Variants in P2RY12 observed in about 807,000 individuals in gnomAD.
P2RY12 encodes the protein purinergic receptor P2Y12.
P2RY12 carries 3 observed loss-of-function variants against 4.5 expected under a neutral mutation model. The observed-to-expected ratio is 0.67, with a 90% CI of 0.31 to 1.74. P2RY12 has a LOEUF of 1.74. P2RY12 is among the 40% of genes most tolerant of loss of function. The pLI is 0.09. For synonymous variants in P2RY12, 148 were observed against 154.1 expected, an observed-to-expected ratio of 0.96 and a Z score of 0.29; for missense variants, 356 against 407.8, an observed-to-expected ratio of 0.87 and a Z score of 1.09.
intron 1 of P2RY12, among the ~76,000 whole-genome samples, chr3:151,360,772 A>G (rs1435475872): frequency 6.6e-6 from 1 of 152,124 alleles, no homozygotes; most frequent in African/African-American, 2.4e-5. Flanking sequence ...ATTAAAATAG[A>G]CAGGGACAAT....
At position 151,341,823 on chromosome 3, in the gene P2RY12, T is replaced by C. The variant is rs574691864; in HGVS notation, c.-179-1063A>G. On this transcript the variant is annotated intron_variant, in intron 1 of 2. Coordinates refer to ENST00000302632, the MANE Select transcript of P2RY12 (RefSeq NM_022788.5). ...GTTCCCACCTATGAGTGAGAATATG[T>C]GGTGTTTGGTTTTTTGTTCTTGCGA... Among the ~76,000 whole-genome samples the C allele has an allele frequency of 1.8e-3, 276 of 151,104 alleles. 1 individual carries two copies. Among genetic ancestry groups the C allele is most frequent in the Non-Finnish European group, 3.1e-3 (207 of 67,848 alleles).
intron 1 of P2RY12, among the ~76,000 whole-genome samples, chr3:151,358,303 G>T (rs1480803584): frequency 6.6e-6 from 1 of 152,056 alleles, no homozygotes; most frequent in African/African-American, 2.4e-5. Flanking sequence ...AGGAAATAGA[G>T]AATTATTTAA....
At chr3:151,344,893 A>G (rs1752344256) in intron 1 of P2RY12, among the ~76,000 whole-genome samples, 1 of 152,216 alleles carries the variant, frequency 6.6e-6, no homozygotes, top group South Asian at 2.1e-4. Flanking sequence ...TACCATCATT[A>G]TGACATCTTT....
chr3:151,362,403 A>G (rs572184818), intron 1 of P2RY12, among the ~76,000 whole-genome samples: 2 of 152,034 alleles, frequency 1.3e-5, no homozygotes, highest in African/African-American at 2.4e-5. Context: ...TACTGATCAA[A>G]CACTCTAAGA....
In P2RY12 at chr3:151,355,933, C is replaced by T. The variant is rs761166199; in HGVS notation, c.-179-15173G>A. On this transcript the variant is annotated intron_variant, in intron 1 of 2. Coordinates refer to ENST00000302632, the MANE Select transcript of P2RY12 (RefSeq NM_022788.5). ...GTGCTAGAACAAATCACAAGCTTTG[C>T]GTCAGGAACATCCTATCATCTCCCT... 5.0e-6 allele frequency: 8 copies of T among 1,613,928 alleles called. No homozygotes were observed. The highest frequency in any genetic ancestry group is 1.7e-5 in the Admixed American group (1 of 59,940).
At chr3:151,341,499 T>A (rs1347274059) in intron 1 of P2RY12, among the ~76,000 whole-genome samples, 1 of 152,086 alleles carries the variant, frequency 6.6e-6, no homozygotes, top group Admixed American at 6.6e-5. Flanking sequence ...TTGTTTAACT[T>A]TGAAACCAGA....
At chr3:151,341,468 T>G (rs1751811092) in intron 1 of P2RY12, among the ~76,000 whole-genome samples, 2 of 152,110 alleles carry the variant, frequency 1.3e-5, no homozygotes, top group African/African-American at 4.8e-5. Flanking sequence ...TAAGGCATCC[T>G]TGTATCACAA....
At chr3:151,351,074 TAA>T (rs1308408423) in intron 1 of P2RY12, among the ~76,000 whole-genome samples, 1 of 152,228 alleles carries the variant, frequency 6.6e-6, no homozygotes, top group Non-Finnish European at 1.5e-5. Context: ...GCACGTGGTA[TAA>T]ACCACCTCTA....
At chr3:151,355,867 T>G (rs1753856408) in intron 1 of P2RY12, 2 of 1,572,092 alleles carry the variant, frequency 1.3e-6, no homozygotes, top group Non-Finnish European at 1.7e-6. Flanking sequence ...AATATTGGTC[T>G]TACAATATTT....
intron 1 of P2RY12, among the ~76,000 whole-genome samples, chr3:151,353,855 G>T (rs1175819146): frequency 6.6e-6 from 1 of 152,164 alleles, no homozygotes; most frequent in African/African-American, 2.4e-5. Flanking sequence ...TAGAATCACA[G>T]TGCTGGCCGG....
Position 151,381,177 on chromosome 3 carries a change from A to T in P2RY12, c.-180+3515T>A, listed in dbSNP as rs139436722. On this transcript the variant is annotated intron_variant, in intron 1 of 2. Coordinates refer to ENST00000302632, the MANE Select transcript of P2RY12 (RefSeq NM_022788.5). ...GTGTTTTATCCTGATACACAGCCTAATTGACCCCTTCTTGTGGCACTGTGT... is the reference window on the plus strand; with the variant it reads ...GTGTTTTATCCTGATACACAGCCTATTTGACCCCTTCTTGTGGCACTGTGT... 5.1e-3 allele frequency among the ~76,000 whole-genome samples: 779 copies of T among 152,296 alleles called. 11 individuals carry two copies. Among genetic ancestry groups the T allele is most frequent in the African/African-American group, 0.018 (739 of 41,562 alleles).
At position 151,357,285 on chromosome 3, in the gene P2RY12, A is replaced by G. The variant is rs774039440; in HGVS notation, c.-179-16525T>C. On this transcript the variant is annotated intron_variant, in intron 1 of 2. Coordinates refer to ENST00000302632, the MANE Select transcript of P2RY12 (RefSeq NM_022788.5). ...CTCCAGCCTGGCAGGAAGTTATACAACAGGACTGTGTGTCTGCATCGTGGC... is the reference window on the plus strand; with the variant it reads ...CTCCAGCCTGGCAGGAAGTTATACAGCAGGACTGTGTGTCTGCATCGTGGC... 30 of 1,613,706 alleles carry G rather than the reference A, an allele frequency of 1.9e-5. 1 individual carries two copies. In the South Asian group the frequency reaches 2.9e-4, roughly 15 times the overall value.
In P2RY12 at chr3:151,351,608, T is replaced by C. The variant is rs555700540; in HGVS notation, c.-179-10848A>G. On this transcript the variant is annotated intron_variant, in intron 1 of 2. Coordinates refer to ENST00000302632, the MANE Select transcript of P2RY12 (RefSeq NM_022788.5). ...AGAGGAAACAGTTGCATTTAGAAGA[T>C]TGAATTTAGAAGCCCTGAAACTAGC... is the stretch of plus-strand genomic sequence containing the variant. Among the ~76,000 whole-genome samples the C allele has an allele frequency of 5.9e-5, 9 of 152,316 alleles. No individual in the cohort carries two copies. The South Asian group carries it at 1.4e-3, about 25-fold the overall frequency.
At chr3:151,359,096 C>A (rs557855599) in intron 1 of P2RY12, among the ~76,000 whole-genome samples, 8 of 152,256 alleles carry the variant, frequency 5.3e-5, no homozygotes, top group Admixed American at 3.9e-4. Context: ...CTCCCCACTT[C>A]AGTAGTCCCC....
rs1039417598 is a variant in P2RY12, at chr3:151,382,600, A to G, written c.-180+2092T>C. The G allele has an allele frequency of 3.9e-6, 5 of 1,285,494 alleles. No individual in the cohort carries two copies. In the African/African-American group the frequency reaches 4.5e-5, roughly 12 times the overall value. 79.6% of individuals were successfully genotyped at this position (1,285,494 alleles called of 1,614,324 possible). Reference sequence around the variant, plus strand: ...TTGCTATCAGTATAAAGCTCAATTTATCTTTAAATGAGAGAAAAATTAAAC... The same window carrying G: ...TTGCTATCAGTATAAAGCTCAATTTGTCTTTAAATGAGAGAAAAATTAAAC... On this transcript the variant is annotated intron_variant, in intron 1 of 2. Transcript: ENST00000302632.
chr3:151,349,852 C>CTTTT (rs112308445), intron 1 of P2RY12, among the ~76,000 whole-genome samples: 10 of 139,690 alleles, frequency 7.2e-5, no homozygotes, highest in African/African-American at 2.7e-4. Context: ...TCAGTTGACA[C>CTTTT]TTTTTTTTTT....
At chr3:151,364,915 G>A in intron 1 of P2RY12, 1 of 1,170,226 alleles carries the variant, frequency 8.5e-7, no homozygotes, top group Non-Finnish European at 1.3e-6. Flanking sequence ...GTCCTTAAGT[G>A]AAATAGTTTT....
intron 1 of P2RY12, chr3:151,372,623 A>T: frequency 6.2e-7 from 1 of 1,613,958 alleles, no homozygotes; most frequent in Non-Finnish European, 8.5e-7. Context: ...TGACTTCACC[A>T]TGAGAGGTTT....
chr3:151,382,818 C>A, intron 1 of P2RY12: 1 of 1,194,908 alleles, frequency 8.4e-7, no homozygotes, highest in Non-Finnish European at 1.2e-6. Context: ...CTTTCCACTT[C>A]TCCTAAGTGC....
Sources: gnomAD v4.1 joint callset for allele counts (sites outside exome capture counted in the v4.1 genomes callset) on GRCh38, gnomAD v4.1.1 for gene constraint, MANE v1.5 for transcripts, NCBI Gene and HGNC (gene_info 2026-07-23, HGNC 2026-07-21) for gene names.